Variants in BUB1B observed in about 807,000 individuals in gnomAD.
BUB1B encodes the protein BUB1 mitotic checkpoint serine/threonine kinase B, also known as mitotic checkpoint serine/threonine-protein kinase BUB1 beta.
A neutral mutation model predicts 137.7 loss-of-function variants in BUB1B; 86 were observed. That is an observed-to-expected ratio of 0.62 (90% CI 0.52 to 0.75). The LOEUF is 0.75. Ranked by LOEUF, BUB1B falls within the 30% of genes least tolerant of loss-of-function variation. BUB1B has a pLI of 0.00. For synonymous variants in BUB1B, 420 were observed against 417.9 expected, an observed-to-expected ratio of 1.00 and a Z score of -0.06; for missense variants, 1,130 against 1,236.9, an observed-to-expected ratio of 0.91 and a Z score of 1.30.
rs2140911346 is a variant in BUB1B, at chr15:40,217,494, A to G, written c.2679-2A>G. 1 of 1,614,050 alleles carries G rather than the reference A, an allele frequency of 6.2e-7. No homozygotes were observed. Among genetic ancestry groups the G allele is most frequent in the East Asian group, 2.2e-5 (1 of 44,870 alleles). ...ATCTCCTTCTCTTAAATCTGGGCTCAGAATCCACGATCCCTATGATTGTAA... is the reference window on the plus strand; with the variant it reads ...ATCTCCTTCTCTTAAATCTGGGCTCGGAATCCACGATCCCTATGATTGTAA... On this transcript the variant is annotated splice_acceptor_variant, in intron 20 of 22. Transcript: ENST00000287598. LOFTEE classifies it high-confidence loss of function.
intron 2 of BUB1B, among the ~76,000 whole-genome samples, chr15:40,166,095 C>T (rs1008069081): frequency 9.2e-5 from 14 of 152,196 alleles, no homozygotes; most frequent in Admixed American, 2.6e-4. Flanking sequence ...TCAAGTGATC[C>T]GCCCACCTTG....
intron 15 of BUB1B, among the ~76,000 whole-genome samples, chr15:40,206,991 G>A (rs1208195446): frequency 6.6e-6 from 1 of 152,068 alleles, no homozygotes; most frequent in African/African-American, 2.4e-5. Context: ...TATATTTTTA[G>A]TAGAGACGGG....
At chr15:40,196,512 C>T in intron 8 of BUB1B, 33 bp from the exon 9 acceptor site, 1 of 1,524,668 alleles carries the variant, frequency 6.6e-7, no homozygotes, top group Non-Finnish European at 9.1e-7. Flanking sequence ...TTTATTTTGA[C>T]CCATATGAAT....
intron 10 of BUB1B, 91 bp from the exon 11 acceptor site, chr15:40,200,153 G>T (rs944516483): frequency 1.4e-5 from 12 of 869,246 alleles, no homozygotes; most frequent in Non-Finnish European, 1.9e-5. Context: ...TGGATGTCTA[G>T]GGAAAGAGTA....
intron 11 of BUB1B, among the ~76,000 whole-genome samples, chr15:40,200,572 A>C (rs1411936729): frequency 6.6e-6 from 1 of 152,220 alleles, no homozygotes; most frequent in Non-Finnish European, 1.5e-5. Context: ...AGAAACAAAT[A>C]CATATACTGT....
chr15:40,203,792 G>A (rs2037604485), intron 14 of BUB1B, among the ~76,000 whole-genome samples: 1 of 152,086 alleles, frequency 6.6e-6, no homozygotes, highest in Non-Finnish European at 1.5e-5. Context: ...TAAATAACCT[G>A]TATCATTGGC....
chr15:40,220,290 G>A (rs2037879368), intron 22 of BUB1B, among the ~76,000 whole-genome samples: 1 of 152,206 alleles, frequency 6.6e-6, no homozygotes, highest in South Asian at 2.1e-4. Flanking sequence ...GAAGAAAAGT[G>A]CTATGTCTTA....
intron 14 of BUB1B, among the ~76,000 whole-genome samples, chr15:40,204,386 G>C (rs925220677): frequency 2.0e-5 from 3 of 151,376 alleles, no homozygotes; most frequent in Non-Finnish European, 2.9e-5. Flanking sequence ...AGTGGTTCTA[G>C]ATTCAGCTGT....
intron 5 of BUB1B, among the ~76,000 whole-genome samples, chr15:40,180,159 T>C (rs1335802249): frequency 6.6e-6 from 1 of 151,684 alleles, no homozygotes; most frequent in Admixed American, 6.6e-5. Flanking sequence ...TTAATTCTCC[T>C]AGTTTTTCTT....
At chr15:40,201,004 A>T (rs1449186953) in intron 12 of BUB1B, 24 bp downstream of exon 12, 2 of 1,606,966 alleles carry the variant, frequency 1.2e-6, no homozygotes, top group South Asian at 2.2e-5. Flanking sequence ...GACAGCCTTG[A>T]GAAGAACTTG....
At position 40,212,488 on chromosome 15, in the gene BUB1B, A is replaced by G. The variant is rs751421137; in HGVS notation, c.2386-11A>G. The G allele has an allele frequency of 2.1e-5, 34 of 1,608,360 alleles. No homozygotes were observed. The highest frequency in any genetic ancestry group is 8.0e-5 in the African/African-American group (6 of 74,812). Reference sequence around the variant, plus strand: ...TAACTGAACTTATTTTTAAAATACAATGTCTTACAGGTATCTTCTCAACCT... The same window carrying G: ...TAACTGAACTTATTTTTAAAATACAGTGTCTTACAGGTATCTTCTCAACCT... On this transcript the variant is annotated splice_polypyrimidine_tract_variant and intron_variant, in intron 18 of 22. Coordinates refer to ENST00000287598, the MANE Select transcript of BUB1B (RefSeq NM_001211.6).
At chr15:40,206,554 T>A in intron 15 of BUB1B, 96 bp downstream of exon 15, 3 of 1,494,048 alleles carry the variant, frequency 2.0e-6, no homozygotes, top group Non-Finnish European at 2.8e-6. Flanking sequence ...AAGTTCTTAC[T>A]AACTGCCAGG....
In BUB1B at chr15:40,208,628, T is replaced by G; in HGVS notation, c.2010-9T>G. Reference sequence around the variant, plus strand: ...CCTATAAGAATTAACTTATTTTTGATTCTTTTAGCCCAATTATTGAAGACA... The same window carrying G: ...CCTATAAGAATTAACTTATTTTTGAGTCTTTTAGCCCAATTATTGAAGACA... On this transcript the variant is annotated splice_polypyrimidine_tract_variant and intron_variant, in intron 15 of 22. Coordinates refer to ENST00000287598, the MANE Select transcript of BUB1B (RefSeq NM_001211.6). 1 of 1,610,668 alleles carries G rather than the reference T, an allele frequency of 6.2e-7. No homozygotes were observed. Among genetic ancestry groups the G allele is most frequent in the Non-Finnish European group, 8.5e-7 (1 of 1,177,052 alleles).
chr15:40,200,387 T>G (rs771932484), intron 11 of BUB1B, 28 bp downstream of exon 11: 2 of 1,568,130 alleles, frequency 1.3e-6, no homozygotes, highest in South Asian at 1.1e-5. Flanking sequence ...GAAGGGACAA[T>G]GCATATAGGA....
At chr15:40,161,874 G>C (rs1282813150) in intron 1 of BUB1B, among the ~76,000 whole-genome samples, 1 of 152,146 alleles carries the variant, frequency 6.6e-6, no homozygotes, top group Non-Finnish European at 1.5e-5. Flanking sequence ...GCAATACCTA[G>C]ATAAGTGCTA....
At chr15:40,208,565 G>A (rs2037666325) in intron 15 of BUB1B, 72 bp from the exon 16 acceptor site, 1 of 1,439,504 alleles carries the variant, frequency 6.9e-7, no homozygotes, top group African/African-American at 1.4e-5. Context: ...TATACATTAA[G>A]AATTTATGAA....
intron 9 of BUB1B, 44 bp downstream of exon 9, chr15:40,196,818 G>A: frequency 1.3e-6 from 2 of 1,572,808 alleles, no homozygotes; most frequent in Non-Finnish European, 1.7e-6. Context: ...ACTTAGTTGT[G>A]TGAAGGTTGA....
At position 40,161,126 on chromosome 15, in the gene BUB1B, T is replaced by C. The variant is rs375434078; in HGVS notation, c.-95T>C. On this transcript the variant is annotated 5_prime_UTR_variant, in exon 1 of 23. Coordinates refer to ENST00000287598, the MANE Select transcript of BUB1B (RefSeq NM_001211.6). Reference sequence around the variant, plus strand: ...CGTGTACGTGCCTTGGTCGCTTCTGTAGCTCCGAGGGCAGGTTGCGGAAGA... The same window carrying C: ...CGTGTACGTGCCTTGGTCGCTTCTGCAGCTCCGAGGGCAGGTTGCGGAAGA... 6.4e-5 allele frequency: 97 copies of C among 1,526,840 alleles called. No homozygotes were observed. The African/African-American group carries it at 1.1e-3, about 17-fold the overall frequency. The allele number at this position is 1,526,840 out of a possible 1,614,324, so 94.6% of individuals were successfully genotyped here. A position where few individuals can be genotyped will look rare whatever the true frequency, so the allele number is the denominator to read the frequency against.
rs1389755491 is a variant in BUB1B, at chr15:40,176,474, C to G, written c.385-3C>G. On this transcript the variant is annotated splice_region_variant and splice_polypyrimidine_tract_variant and intron_variant, in intron 4 of 22. Transcript: ENST00000287598. ...TGGTTAACTGTTAACACTTCTGTTACAGGGGCGTTTATGCAATGAGCCTTT... is the reference window on the plus strand; with the variant it reads ...TGGTTAACTGTTAACACTTCTGTTAGAGGGGCGTTTATGCAATGAGCCTTT... 1 of 1,613,854 alleles carries G rather than the reference C, an allele frequency of 6.2e-7. No individual in the cohort carries two copies. The highest frequency in any genetic ancestry group is 1.3e-5 in the African/African-American group (1 of 74,906).
Sources: allele counts gnomAD v4.1 joint callset (sites outside exome capture counted in the v4.1 genomes callset), GRCh38; gene constraint gnomAD v4.1.1; transcripts MANE v1.5; gene names NCBI Gene and HGNC (gene_info 2026-07-23, HGNC 2026-07-21).